The following LTBR variants were observed in gnomAD, a reference collection of about 807,000 sequenced individuals.
LTBR encodes tumor necrosis factor receptor superfamily member 3.
In LTBR, 15 loss-of-function variants were observed where a neutral mutation model predicts 45.4. The ratio of observed to expected loss-of-function variants is 0.33; its 90% confidence interval spans 0.22 to 0.51. The LOEUF (loss-of-function observed/expected upper bound fraction) is 0.51, where lower values mean the gene tolerates loss of function less well. LTBR is among the 20% of genes least tolerant of loss of function. LTBR has a pLI of 0.97. For synonymous variants in LTBR, 228 were observed against 231.0 expected (o/e 0.99, Z 0.12); for missense variants, 450 against 565.5 (o/e 0.80, Z 2.07).
intron 2 of LTBR, 80 bp downstream of exon 2, chr12:6,384,764 AG>A: frequency 3.0e-6 from 4 of 1,351,692 alleles, no homozygotes; most frequent in Non-Finnish European, 4.2e-6. Context: ...CTCAGAGGGA[AG>A]GTGGGCACTG....
chr12:6,387,841 C>A, intron 6 of LTBR: 1 of 455,402 alleles, frequency 2.2e-6, no homozygotes, highest in South Asian at 1.6e-5. Context: ...AAGCCCTGCT[C>A]TACCAGGCGG....
rs749891319 is a variant in LTBR at position 6,385,143 on chromosome 12, C to T, written c.315C>T (p.Asp105=). 2 of 1,614,250 alleles carry T rather than the reference C, an allele frequency of 1.2e-6. No individual in the cohort carries two copies. Among genetic ancestry groups the T allele is most frequent in the Admixed American group, 3.3e-5 (2 of 60,024 alleles). ...LTICQLCRPC[D]PVMGLEEIAP... ...TCTGCCAGCTGTGCCGCCCCTGTGA[C>T]CCAGGTGAGTGGGGATGTGCCTGCG... Residue 105 remains aspartate (D), a synonymous_variant, in exon 3 of 10, where the codon GAC becomes GAT. Coordinates refer to ENST00000228918, the MANE Select transcript of LTBR (RefSeq NM_002342.3).
rs957726895 is a variant in LTBR, at chr12:6,388,448, C to T, written c.718C>T (p.Leu240Phe). The T allele has an allele frequency of 6.2e-7, 1 of 1,614,082 alleles. No homozygotes were observed. The change falls in exon 7 of 10, where the codon CTT (leucine) becomes TTT (phenylalanine). Residue 240 changes from leucine (L) to phenylalanine (F), a missense_variant. By Grantham distance (22) the Leu-to-Phe change is conservative (BLOSUM62 0). Around this residue, in one of 3 missense-constraint regions of LTBR, gnomAD observed 367 missense variants for 435.4 expected, o/e 0.84. Coordinates refer to ENST00000228918, the MANE Select transcript of LTBR (RefSeq NM_002342.3). The surrounding 1 kb of genome is among the most constrained non-coding windows in gnomAD (Gnocchi z 4.3). ...VLLPLAFFLL[L>F]ATVFSCIWKS... ...GCTGCCACTGGCCTTCTTTCTGCTC[C>T]TTGCCACCGTCTTCTCCTGCATCTG...
upstream of LTBR, among the ~76,000 whole-genome samples, chr12:6,379,903 C>T (rs557685990): frequency 7.1e-6 from 1 of 140,510 alleles, no homozygotes; most frequent in African/African-American, 2.7e-5. Context: ...CACTGCACTC[C>T]AGCCTGGGAG....
chr12:6,383,845 A>G (rs1203573110), upstream of LTBR, among the ~76,000 whole-genome samples: 2 of 151,678 alleles, frequency 1.3e-5, no homozygotes, highest in African/African-American at 4.8e-5. Flanking sequence ...CTCGCTTTCC[A>G]GATCCCGCAC....
Position 6,386,575 on chromosome 12 carries a change from G to A in LTBR, c.667+131G>A, listed in dbSNP as rs1949052217. On this transcript the variant is annotated intron_variant, in intron 6 of 9. Coordinates refer to ENST00000228918, the MANE Select transcript of LTBR (RefSeq NM_002342.3). The surrounding 1 kb of genome is among the most constrained non-coding windows in gnomAD (Gnocchi z 4.1). ...TTGGGCAAGAAGAAAGTTCCTTACA[G>A]AAAAAATTGGAGTATCTCTAGGCTA... The A allele has an allele frequency of 6.0e-6, 4 of 665,784 alleles. No individual in the cohort carries two copies. Among genetic ancestry groups the A allele is most frequent in the Non-Finnish European group, 1.1e-5 (4 of 379,860 alleles). 41.2% of individuals were successfully genotyped at this position (665,784 alleles called of 1,614,324 possible).
Position 6,386,236 on chromosome 12 carries a change from C to G in LTBR, c.569+74C>G. On this transcript the variant is annotated intron_variant, in intron 5 of 9. Transcript: ENST00000228918. This position sits in a 1 kb window ranked among gnomAD's most constrained non-coding sequence, Gnocchi z 4.1. ...CTGCTAACAACCCCCAGCGCCTATC[C>G]TTGACACCACGGACTCGACTCACCA... is the stretch of plus-strand genomic sequence containing the variant. 2 of 1,496,928 alleles carry G rather than the reference C, an allele frequency of 1.3e-6. No individual in the cohort carries two copies. Among genetic ancestry groups the G allele is most frequent in the East Asian group, 2.3e-5 (1 of 44,058 alleles). The allele number at this position is 1,496,928 out of a possible 1,614,324, so 92.7% of individuals were successfully genotyped here.
chr12:6,386,143 C>A lies in LTBR; in HGVS notation c.550C>A (p.Arg184Ser), dbSNP rs750805174. The change falls in exon 5 of 10, where the codon CGC becomes AGC. Residue 184 changes from arginine (R) to serine (S), a missense_variant. Around this residue, in one of 3 missense-constraint regions of LTBR, gnomAD observed 367 missense variants for 435.4 expected, o/e 0.84. Coordinates refer to ENST00000228918, the MANE Select transcript of LTBR (RefSeq NM_002342.3). The surrounding 1 kb of genome is among the most constrained non-coding windows in gnomAD (Gnocchi z 4.1). ...HFQNTSSPSARCQPHTRCENQ... is the reference protein window; with the variant it reads ...HFQNTSSPSASCQPHTRCENQ... ...CCAGAATACCTCCTCCCCCAGCGCC[C>A]GCTGCCAGCCCCACACCAGGTGAGT... 1 of 1,613,482 alleles carries A rather than the reference C, an allele frequency of 6.2e-7. No homozygotes were observed. Among genetic ancestry groups the A allele is most frequent in the Non-Finnish European group, 8.5e-7 (1 of 1,179,650 alleles).
intron 2 of LTBR, 159 bp from the exon 3 acceptor site, chr12:6,384,863 C>T (rs1949020662): frequency 9.4e-7 from 1 of 1,060,096 alleles, no homozygotes; most frequent in Non-Finnish European, 1.4e-6. Context: ...CCCACTGGGC[C>T]TCCTCTTTCC....
At chr12:6,383,138 G>A (rs768899027), upstream of LTBR, among the ~76,000 whole-genome samples, 9 of 152,168 alleles carry the variant, frequency 5.9e-5, no homozygotes, top group Non-Finnish European at 1.0e-4. Flanking sequence ...CAGTCTTCAC[G>A]GGGACTGTGC....
chr12:6,377,102 G>A, intron 1 of LTBR: 1 of 604,192 alleles, frequency 1.7e-6, no homozygotes, highest in Non-Finnish European at 2.9e-6. Flanking sequence ...TGACAAGCAA[G>A]GAGTTTAGCA....
At chr12:6,384,064 G>C, upstream of LTBR, 1 of 1,212,750 alleles carries the variant, frequency 8.2e-7, no homozygotes, top group Non-Finnish European at 1.0e-6. Context: ...GCCCCGCATC[G>C]AGGCAGACAA....
chr12:6,385,580 G>A, intron 4 of LTBR: 1 of 677,198 alleles, frequency 1.5e-6, no homozygotes, highest in East Asian at 2.8e-5. Flanking sequence ...CACAGGAGGT[G>A]GTTCTTCTCA....
rs759285791 is a variant in LTBR, at chr12:6,388,527, T to A, written c.775+22T>A. The A allele has an allele frequency of 3.1e-6, 5 of 1,599,312 alleles. No individual in the cohort carries two copies. In the African/African-American group the frequency reaches 6.7e-5, roughly 21 times the overall value. On this transcript the variant is annotated intron_variant, in intron 7 of 9. Coordinates refer to ENST00000228918, the MANE Select transcript of LTBR (RefSeq NM_002342.3). The surrounding 1 kb of genome is among the most constrained non-coding windows in gnomAD (Gnocchi z 4.3). ...CTGGGTAGGAAAGGGTTGGATGCAG[T>A]GGATGGTTGGCAATGGGAGCCGGAG...
intron 2 of LTBR, 99 bp from the exon 3 acceptor site, chr12:6,384,923 C>T: frequency 6.7e-7 from 1 of 1,492,576 alleles, no homozygotes; most frequent in South Asian, 1.2e-5. Context: ...TGATGGGGGG[C>T]CAGAGAGACC....
At chr12:6,378,961 G>A (rs986996338) in intron 1 of LTBR, among the ~76,000 whole-genome samples, 11 of 152,112 alleles carry the variant, frequency 7.2e-5, no homozygotes, top group Admixed American at 2.6e-4. Flanking sequence ...AACCAGAGGG[G>A]CTGCCATGGG....
At chr12:6,377,277 C>A in intron 1 of LTBR, 1 of 1,550,666 alleles carries the variant, frequency 6.4e-7, no homozygotes, top group Non-Finnish European at 8.7e-7. Context: ...GATACCTCCC[C>A]TTGGAAGGGA....
rs1415525363 is a variant in LTBR, at chr12:6,388,556, G to A, written c.775+51G>A. ...TGGTTGGCAATGGGAGCCGGAGGGA[G>A]GAATATTCAACTTCCCCGGTGCAAC... On this transcript the variant is annotated intron_variant, in intron 7 of 9. Transcript: ENST00000228918. This position sits in a 1 kb window ranked among gnomAD's most constrained non-coding sequence, Gnocchi z 4.3. 4 of 1,520,006 alleles carry A rather than the reference G, an allele frequency of 2.6e-6. No individual in the cohort carries two copies. The highest frequency in any genetic ancestry group is 3.7e-6 in the Non-Finnish European group (4 of 1,095,854). The allele number at this position is 1,520,006 out of a possible 1,614,324, so 94.2% of individuals were successfully genotyped here.
In LTBR at chr12:6,390,765, C is replaced by A; in HGVS notation, c.1136C>A (p.Pro379Gln). 1 of 1,582,104 alleles carries A rather than the reference C, an allele frequency of 6.3e-7. No homozygotes were observed. Reference protein sequence around the residue: ...LGGPPGPGDLPATPEPPYPIP... With the variant: ...LGGPPGPGDLQATPEPPYPIP... ...GGACCACCGGGTCCTGGAGACCTCC[C>A]AGCTACCCCCGAACCTCCATACCCC... Residue 379 changes from proline to glutamine, a missense_variant, in exon 10 of 10, where the codon CCA (proline) becomes CAA (glutamine). By Grantham distance (76) the Pro-to-Gln change is moderately conservative. Transcript: ENST00000228918.
Sources: allele counts gnomAD v4.1 joint callset (sites outside exome capture counted in the v4.1 genomes callset), GRCh38; gene constraint gnomAD v4.1.1; regional missense constraint gnomAD v4.1.1; non-coding constraint Gnocchi (gnomAD v3.1); transcripts MANE v1.5; gene names NCBI Gene and HGNC (gene_info 2026-07-23, HGNC 2026-07-21).